ADAMTS12: variants seen among roughly 807,000 people sequenced by gnomAD.
ADAMTS12 encodes A disintegrin and metalloproteinase with thrombospondin motifs 12.
ADAMTS12 carries 118 observed loss-of-function variants against 167.8 expected under a neutral mutation model. The ratio of observed to expected loss-of-function variants is 0.70; its 90% CI spans 0.61 to 0.82. The LOEUF is 0.82. ADAMTS12 is among the 40% of genes least tolerant of loss of function. The probability of loss-of-function intolerance (pLI) is 0.00; values close to 1 mark genes in which losing one functional copy is unlikely to be tolerated. For missense variants in ADAMTS12, 1,916 were observed against 1,998.8 expected (o/e 0.96, Z 0.79); for synonymous variants, 704 against 716.9 (o/e 0.98, Z 0.29).
intron 2 of ADAMTS12, among the ~76,000 whole-genome samples, chr5:33,836,494 A>C (rs2111573608): frequency 6.6e-6 from 1 of 152,362 alleles, no homozygotes; most frequent in Non-Finnish European, 1.5e-5. Context: ...TATTAAGGAC[A>C]TAACAGAAGA....
At chr5:33,795,293 A>G (rs1746733208) in intron 2 of ADAMTS12, among the ~76,000 whole-genome samples, 1 of 152,168 alleles carries the variant, frequency 6.6e-6, no homozygotes, top group South Asian at 2.1e-4. Context: ...GTGATTGGAA[A>G]TGTCTCAATA....
intron 2 of ADAMTS12, among the ~76,000 whole-genome samples, chr5:33,866,263 G>C (rs1749817916): frequency 6.6e-6 from 1 of 152,112 alleles, no homozygotes; most frequent in Admixed American, 6.6e-5. Context: ...CAATGGAACT[G>C]AATAGAGAAC....
intron 3 of ADAMTS12, among the ~76,000 whole-genome samples, chr5:33,728,755 G>C (rs1744072880): frequency 6.6e-6 from 1 of 152,362 alleles, no homozygotes; most frequent in South Asian, 2.1e-4. Context: ...CATCAGAACA[G>C]TCATGGAGAG....
chr5:33,760,426 A>C (rs1745307554), intron 2 of ADAMTS12, among the ~76,000 whole-genome samples: 1 of 152,240 alleles, frequency 6.6e-6, no homozygotes, highest in African/African-American at 2.4e-5. Context: ...CTCTAGCTGA[A>C]TAAATGTTTT....
intron 16 of ADAMTS12, 123 bp downstream of exon 16, chr5:33,614,115 G>T: frequency 7.4e-7 from 1 of 1,343,136 alleles, no homozygotes; most frequent in Non-Finnish European, 1.0e-6. Context: ...GAGGCCCCTG[G>T]CCATCTCAGT....
In ADAMTS12 at chr5:33,624,854, A is replaced by G. The variant is rs184263920; in HGVS notation, c.2023-503T>C. 1.7e-3 allele frequency among the ~76,000 whole-genome samples: 265 copies of G among 152,316 alleles called. 3 individuals are homozygous for G. Among genetic ancestry groups the G allele is most frequent in the Admixed American group, 4.2e-3 (64 of 15,292 alleles). On this transcript the variant is annotated intron_variant, in intron 13 of 23. Transcript: ENST00000504830. ...TCTTCCATGACCAGAAGGGAAAGCT[A>G]TACCATATTCCTTTAGTCATAAGTT...
chr5:33,542,543 A>G (rs545719553), intron 22 of ADAMTS12, among the ~76,000 whole-genome samples: 1 of 152,344 alleles, frequency 6.6e-6, no homozygotes, highest in South Asian at 2.1e-4. Context: ...TCTTCACCCC[A>G]AATCAACAGA....
At chr5:33,534,450 T>C (rs1351382519) in intron 23 of ADAMTS12, among the ~76,000 whole-genome samples, 1 of 152,128 alleles carries the variant, frequency 6.6e-6, no homozygotes, top group Middle Eastern at 3.2e-3. Flanking sequence ...GGTACCAGAT[T>C]TATAGAGATG....
intron 5 of ADAMTS12, among the ~76,000 whole-genome samples, chr5:33,664,905 T>C (rs763101294): frequency 1.1e-4 from 16 of 152,142 alleles, no homozygotes; most frequent in Non-Finnish European, 2.1e-4. Flanking sequence ...CATAGACTGA[T>C]GAATGGATAA....
intron 17 of ADAMTS12, among the ~76,000 whole-genome samples, chr5:33,591,067 T>C (rs949461571): frequency 7.6e-6 from 1 of 131,172 alleles, no homozygotes; most frequent in African/African-American, 3.0e-5. Flanking sequence ...TTTTATGTTT[T>C]ATCTAAATGT....
chr5:33,643,574 G>T, intron 9 of ADAMTS12, 104 bp from the exon 10 acceptor site: 1 of 978,358 alleles, frequency 1.0e-6, no homozygotes, highest in Non-Finnish European at 1.6e-6. Context: ...CACAATAAAT[G>T]CCACTGTTGT....
chr5:33,538,289 AGATCTT>A (rs1157416064), intron 22 of ADAMTS12, among the ~76,000 whole-genome samples: 2 of 152,166 alleles, frequency 1.3e-5, no homozygotes, highest in Non-Finnish European at 2.9e-5. Flanking sequence ...TAAAACCATC[AGATCTT>A]GTGAGAAATC....
rs114007780 is a variant in ADAMTS12, at chr5:33,747,935, C to T, written c.634+3469G>A. Among the ~76,000 whole-genome samples the T allele has an allele frequency of 9.1e-3, 1,392 of 152,188 alleles. 20 individuals are homozygous for T. Among genetic ancestry groups the T allele is most frequent in the African/African-American group, 0.032 (1,345 of 41,504 alleles). On this transcript the variant is annotated intron_variant, in intron 3 of 23. Coordinates refer to ENST00000504830, the MANE Select transcript of ADAMTS12 (RefSeq NM_030955.4). ...TTCTACCCAAAGAACCTAGGAAAAA[C>T]CTGGCGCAAAGAAGATACCTAATGG...
Position 33,576,258 on chromosome 5 carries a change from C to G in ADAMTS12, c.3768G>C (p.Gln1256His). The change falls in exon 19 of 24, where the codon CAG becomes CAC. Residue 1256 changes from glutamine to histidine, a missense_variant. By Grantham distance (24) the Gln-to-His change is conservative. Transcript: ENST00000504830. ...TTGCCGTCTTTCCTGAGGGTTCTGG[C>G]TGGTGGTCTCCTCCCAGAGGGAGCA... ...NTLLPLGGDH[Q>H]PEPSGKTANR... The G allele has an allele frequency of 6.2e-7, 1 of 1,614,214 alleles. No homozygotes were observed. Among genetic ancestry groups the G allele is most frequent in the Non-Finnish European group, 8.5e-7 (1 of 1,180,032 alleles).
intron 18 of ADAMTS12, among the ~76,000 whole-genome samples, chr5:33,582,787 G>A (rs1483588153): frequency 6.6e-6 from 1 of 152,194 alleles, no homozygotes; most frequent in Non-Finnish European, 1.5e-5. Context: ...CTTGTCTCAA[G>A]TGAAACGTAA....
chr5:33,579,848 A>G (rs1237023092), intron 18 of ADAMTS12, among the ~76,000 whole-genome samples: 1 of 152,150 alleles, frequency 6.6e-6, no homozygotes, highest in Non-Finnish European at 1.5e-5. Context: ...AATGATGCTG[A>G]TAATAATAAT....
intron 3 of ADAMTS12, among the ~76,000 whole-genome samples, chr5:33,716,244 C>A (rs1406403695): frequency 6.6e-6 from 1 of 152,042 alleles, no homozygotes; most frequent in Non-Finnish European, 1.5e-5. Flanking sequence ...TTAAATGGTA[C>A]CATCTTTTAA....
At chr5:33,601,674 A>G (rs1738197088) in intron 16 of ADAMTS12, among the ~76,000 whole-genome samples, 1 of 152,222 alleles carries the variant, frequency 6.6e-6, no homozygotes, top group Non-Finnish European at 1.5e-5. Context: ...ATTGACTTCA[A>G]TAACCACAAA....
intron 2 of ADAMTS12, among the ~76,000 whole-genome samples, chr5:33,845,308 T>C (rs1748903370): frequency 6.6e-6 from 1 of 152,174 alleles, no homozygotes; most frequent in Non-Finnish European, 1.5e-5. Flanking sequence ...ACTATAGGGC[T>C]GGGAAAGTAC....
Sources: gnomAD v4.1 joint callset for allele counts (sites outside exome capture counted in the v4.1 genomes callset) on GRCh38, gnomAD v4.1.1 for gene constraint, MANE v1.5 for transcripts, NCBI Gene and HGNC (gene_info 2026-07-23, HGNC 2026-07-21) for gene names.